The following PDE1C variants were observed in gnomAD, a reference collection of about 807,000 sequenced individuals.
PDE1C encodes the protein phosphodiesterase 1C.
A neutral mutation model predicts 93.1 loss-of-function variants in PDE1C; 62 were observed. The ratio of observed to expected loss-of-function variants is 0.67; its 90% confidence interval spans 0.54 to 0.82. The LOEUF is 0.82. PDE1C is among the 40% of genes least tolerant of loss of function. The pLI, the probability that PDE1C is intolerant of heterozygous loss-of-function variation, is 0.00. For missense variants in PDE1C, 742 were observed against 884.6 expected (o/e 0.84, Z 2.04); for synonymous variants, 325 against 310.1 (o/e 1.05, Z -0.50).
chr7:31,873,794 C>T lies in PDE1C; in HGVS notation c.493-386G>A, dbSNP rs558558616. The stretch of plus-strand genomic sequence containing the variant: ...CCAAGGTGCGTAAGTGCTAGAGATA[C>T]AGGCAGGGCCAGAACACAAACATAG... On this transcript the variant is annotated intron_variant, in intron 5 of 17. Transcript: ENST00000396191. Among the ~76,000 whole-genome samples the T allele has an allele frequency of 2.6e-5, 4 of 152,294 alleles. No individual in the cohort carries two copies. In the South Asian group the frequency reaches 6.2e-4, roughly 24 times the overall value.
intron 17 of PDE1C, among the ~76,000 whole-genome samples, chr7:31,767,957 G>A (rs1295641547): frequency 6.6e-6 from 1 of 152,166 alleles, no homozygotes; most frequent in Non-Finnish European, 1.5e-5. Flanking sequence ...CACATTGTGT[G>A]GGGGTTCAGT....
intron 1 of PDE1C, among the ~76,000 whole-genome samples, chr7:32,360,372 G>A (rs1784114458): frequency 6.6e-6 from 1 of 152,220 alleles, no homozygotes; most frequent in African/African-American, 2.4e-5. Context: ...ATATCCAGTG[G>A]TTGTGAGAGG....
At chr7:32,312,531 C>G (rs958764955) in intron 1 of PDE1C, among the ~76,000 whole-genome samples, 3 of 152,178 alleles carry the variant, frequency 2.0e-5, no homozygotes, top group African/African-American at 7.2e-5. Flanking sequence ...GTAACCAAAA[C>G]AGCATGGTAC....
chr7:32,205,607 C>G (rs988423508), intron 2 of PDE1C, among the ~76,000 whole-genome samples: 2 of 152,170 alleles, frequency 1.3e-5, no homozygotes, highest in African/African-American at 4.8e-5. Flanking sequence ...GGCCAACCCC[C>G]CAGCCAACCC....
chr7:32,167,096 GA>G (rs916065801), intron 3 of PDE1C, among the ~76,000 whole-genome samples: 11 of 152,048 alleles, frequency 7.2e-5, no homozygotes, highest in African/African-American at 2.7e-4. Context: ...AAAAATATTT[GA>G]AATTTTTTTG....
chr7:31,891,546 T>C (rs961246498), intron 2 of PDE1C, among the ~76,000 whole-genome samples: 7 of 152,198 alleles, frequency 4.6e-5, no homozygotes, highest in African/African-American at 1.7e-4. Context: ...AATGAGACAG[T>C]TCTCATGGGA....
chr7:31,774,871 T>G (rs1795725235), intron 17 of PDE1C, among the ~76,000 whole-genome samples: 1 of 152,192 alleles, frequency 6.6e-6, no homozygotes, highest in South Asian at 2.1e-4. Context: ...GGCAACATTT[T>G]TCCTTCTTAT....
intron 1 of PDE1C, among the ~76,000 whole-genome samples, chr7:32,387,701 C>T (rs1336847752): frequency 1.8e-4 from 26 of 141,088 alleles, no homozygotes; most frequent in East Asian, 4.2e-4. Flanking sequence ...ACCTCCCTCC[C>T]GGACGGGGCG....
At chr7:32,426,365 C>G (rs1322464368) in intron 1 of PDE1C, among the ~76,000 whole-genome samples, 1 of 151,468 alleles carries the variant, frequency 6.6e-6, no homozygotes, top group East Asian at 1.9e-4. Context: ...CCTCGACCTC[C>G]TGGGATTAAG....
At chr7:32,059,126 TC>T (rs1410164465) in intron 1 of PDE1C, among the ~76,000 whole-genome samples, 1 of 152,156 alleles carries the variant, frequency 6.6e-6, no homozygotes, top group African/African-American at 2.4e-5. Flanking sequence ...AAAAGGAAGA[TC>T]ATATTCAGAG....
At chr7:32,385,895 G>C (rs960182775) in intron 1 of PDE1C, among the ~76,000 whole-genome samples, 5 of 152,070 alleles carry the variant, frequency 3.3e-5, no homozygotes, top group Non-Finnish European at 7.3e-5. Flanking sequence ...CAGGCATGAG[G>C]TTGCTGCTTG....
the PDE1C span, among the ~76,000 whole-genome samples, chr7:31,641,371 C>T: frequency 6.6e-6 from 1 of 152,190 alleles, no homozygotes; most frequent in Non-Finnish European, 1.5e-5. Context: ...CCTCCCTCTG[C>T]TCCTTGTATT....
the PDE1C span, among the ~76,000 whole-genome samples, chr7:31,744,570 GC>G: frequency 3.1e-3 from 474 of 152,194 alleles, 4 homozygotes; most frequent in Middle Eastern, 6.8e-3. Context: ...TTTTTTGCGT[GC>G]CTATGGAAAC....
chr7:32,242,177 G>T (rs569724222), intron 1 of PDE1C, among the ~76,000 whole-genome samples: 2 of 152,266 alleles, frequency 1.3e-5, no homozygotes, highest in Non-Finnish European at 2.9e-5. Context: ...AGAGGGGAGA[G>T]AGAGTTGAAA....
chr7:31,911,692 A>G (rs1483947522), intron 2 of PDE1C, among the ~76,000 whole-genome samples: 2 of 152,156 alleles, frequency 1.3e-5, no homozygotes, highest in African/African-American at 4.8e-5. Flanking sequence ...CATTTCACTG[A>G]AAACTGTCAC....
intron 1 of PDE1C, among the ~76,000 whole-genome samples, chr7:32,355,554 C>T (rs914934744): frequency 6.6e-6 from 1 of 152,304 alleles, no homozygotes; most frequent in African/African-American, 2.4e-5. Context: ...CAAATCCTAT[C>T]AATTCCTCCC....
chr7:31,677,290 T>A, the PDE1C span, among the ~76,000 whole-genome samples: 1 of 152,092 alleles, frequency 6.6e-6, no homozygotes, highest in East Asian at 1.9e-4. Flanking sequence ...AGAAGAAAAA[T>A]TTCCAAATTT....
At chr7:31,695,656 A>C in the PDE1C span, 1 of 1,565,810 alleles carries the variant, frequency 6.4e-7, no homozygotes, top group Non-Finnish European at 8.6e-7. Context: ...GCTGTAAAGG[A>C]GAGCCACTTG....
intron 2 of PDE1C, among the ~76,000 whole-genome samples, chr7:31,894,689 T>C (rs982189872): frequency 6.6e-6 from 1 of 152,218 alleles, no homozygotes; most frequent in African/African-American, 2.4e-5. Flanking sequence ...ATCTACCATT[T>C]TGACTTCTGT....
Sources: allele counts gnomAD v4.1 joint callset (sites outside exome capture counted in the v4.1 genomes callset), GRCh38; gene constraint gnomAD v4.1.1; transcripts MANE v1.5; gene names NCBI Gene and HGNC (gene_info 2026-07-23, HGNC 2026-07-21).